Variants in TRIM2 observed in about 807,000 individuals in gnomAD.
TRIM2 encodes the protein tripartite motif-containing protein 2.
A neutral mutation model predicts 75.2 loss-of-function variants in TRIM2; 20 were observed. The observed-to-expected ratio is 0.27, with a 90% confidence interval of 0.19 to 0.39. TRIM2 has a LOEUF of 0.39. Ranked by LOEUF, TRIM2 falls within the 10% of genes least tolerant of loss-of-function variation. TRIM2 has a pLI of 1.00. For synonymous variants in TRIM2, 373 were observed against 388.3 expected (o/e 0.96, Z 0.46); for missense variants, 660 against 990.8 (o/e 0.67, Z 4.48).
intron 3 of TRIM2, among the ~76,000 whole-genome samples, chr4:153,287,145 T>C (rs898616659): frequency 2.6e-5 from 4 of 152,046 alleles, no homozygotes; most frequent in African/African-American, 9.7e-5. Context: ...GCTCAGCTAA[T>C]TTTTGTATTT....
chr4:153,187,897 G>A (rs1198430358), intron 1 of TRIM2, among the ~76,000 whole-genome samples: 2 of 152,178 alleles, frequency 1.3e-5, no homozygotes, highest in Non-Finnish European at 2.9e-5. Flanking sequence ...AGTCCTGAGT[G>A]CACAACGTCC....
rs572414061 is a variant in TRIM2 at position 153,244,789 on chromosome 4, C to T, written c.31-25546C>T. 1.8e-4 allele frequency among the ~76,000 whole-genome samples: 28 copies of T among 152,130 alleles called. No homozygotes were observed. In the East Asian group the frequency reaches 5.0e-3, roughly 27 times the overall value. ...TGCAGGAGAAAGTAAAACATAACAT[C>T]CTGTTTCTATCCACAGATACTTAAG... On this transcript the variant is annotated intron_variant, in intron 1 of 11. Transcript: ENST00000338700.
At chr4:153,166,030 A>T (rs1730263194) in intron 1 of TRIM2, among the ~76,000 whole-genome samples, 1 of 151,908 alleles carries the variant, frequency 6.6e-6, no homozygotes, top group African/African-American at 2.4e-5. Flanking sequence ...ACTTAGATTG[A>T]TCCTCTAATT....
At chr4:153,282,564 A>G (rs1579312448) in intron 3 of TRIM2, among the ~76,000 whole-genome samples, 1 of 152,302 alleles carries the variant, frequency 6.6e-6, no homozygotes, top group Non-Finnish European at 1.5e-5. Context: ...AAGATAAAAA[A>G]TAAAATTCAC....
chr4:153,325,875 A>T (rs1029289752), intron 10 of TRIM2, among the ~76,000 whole-genome samples: 1 of 152,252 alleles, frequency 6.6e-6, no homozygotes, highest in African/African-American at 2.4e-5. Context: ...CCTATTTACC[A>T]GTCCTGGCTG....
At chr4:153,221,960 GAGGGAGGA>G (rs148218169) in intron 1 of TRIM2, among the ~76,000 whole-genome samples, 40,631 of 85,296 alleles carry the variant, frequency 0.48, 6,836 homozygotes, top group African/African-American at 0.63. Flanking sequence ...AGGAAGGAAA[GAGGGAGGA>G]AGGGAGGAAG....
intron 1 of TRIM2, among the ~76,000 whole-genome samples, chr4:153,251,733 C>T (rs1217164264): frequency 6.6e-6 from 1 of 152,146 alleles, no homozygotes; most frequent in Non-Finnish European, 1.5e-5. Flanking sequence ...AATTTCAACA[C>T]TTTGGGAAGC....
chr4:153,222,062 A>AGGG (rs1447698154), intron 1 of TRIM2, among the ~76,000 whole-genome samples: 6 of 147,908 alleles, frequency 4.1e-5, no homozygotes, highest in South Asian at 2.2e-4. Flanking sequence ...GGGAGGAAGG[A>AGGG]AGGAAGGAAA....
chr4:153,160,901 G>A (rs111957567), intron 1 of TRIM2, among the ~76,000 whole-genome samples: 2,300 of 152,176 alleles, frequency 0.015, 40 homozygotes, highest in Non-Finnish European at 0.025. Context: ...GAGCCACCAT[G>A]CCTGGCCAGG....
Position 153,276,076 on chromosome 4 carries a change from A to G in TRIM2, c.399A>G (p.Thr133=). 1 of 1,614,242 alleles carries G rather than the reference A, an allele frequency of 6.2e-7. No homozygotes were observed. Among genetic ancestry groups the G allele is most frequent in the Non-Finnish European group, 8.5e-7 (1 of 1,180,030 alleles). The change falls in exon 3 of 12, where the codon ACA becomes ACG. Residue 133 remains threonine (T), a synonymous_variant. Coordinates refer to ENST00000338700, the MANE Select transcript of TRIM2 (RefSeq NM_015271.5). ...CTGAGGAGTCTTCCATCCTGGAGACAGTCACTGCTGTGGCTGCGGGAAAGC... is the reference window on the plus strand; with the variant it reads ...CTGAGGAGTCTTCCATCCTGGAGACGGTCACTGCTGTGGCTGCGGGAAAGC... ...SNAEESSILE[T]VTAVAAGKPL... is the part of the protein sequence containing the mutation.
intron 1 of TRIM2, among the ~76,000 whole-genome samples, chr4:153,254,218 A>G (rs1751525543): frequency 6.6e-6 from 1 of 152,216 alleles, no homozygotes; most frequent in Non-Finnish European, 1.5e-5. Context: ...TATAAAGTGC[A>G]TTGGATTGAA....
chr4:153,157,446 G>A (rs1265532438), intron 1 of TRIM2, among the ~76,000 whole-genome samples: 4 of 152,114 alleles, frequency 2.6e-5, no homozygotes, highest in African/African-American at 7.2e-5. Context: ...AATGGCCCAG[G>A]GAAAAGGAAA....
intron 1 of TRIM2, among the ~76,000 whole-genome samples, chr4:153,229,006 T>A (rs1311824619): frequency 2.0e-5 from 3 of 152,056 alleles, no homozygotes; most frequent in African/African-American, 7.2e-5. Context: ...TCTGGGAGCC[T>A]GGAAAGGGAA....
intron 3 of TRIM2, among the ~76,000 whole-genome samples, chr4:153,286,167 TGG>T (rs1261000265): frequency 6.6e-6 from 1 of 152,248 alleles, no homozygotes; most frequent in Non-Finnish European, 1.5e-5. Flanking sequence ...CTTGCATTCC[TGG>T]GATAAATCCC....
intron 6 of TRIM2, among the ~76,000 whole-genome samples, chr4:153,305,955 T>C (rs1028348977): frequency 1.3e-5 from 2 of 152,034 alleles, no homozygotes; most frequent in Non-Finnish European, 2.9e-5. Context: ...ACCAACATGG[T>C]GAAACCCCGT....
chr4:153,231,189 T>A (rs1001435010), intron 1 of TRIM2, among the ~76,000 whole-genome samples: 5 of 152,196 alleles, frequency 3.3e-5, no homozygotes, highest in African/African-American at 1.2e-4. Context: ...GGAAAGTGTC[T>A]GGAAAAGTGG....
At chr4:153,244,379 T>C (rs374604034) in intron 1 of TRIM2, among the ~76,000 whole-genome samples, 28 of 65,356 alleles carry the variant, frequency 4.3e-4, no homozygotes, top group East Asian at 3.3e-3. Flanking sequence ...CTTCTTCTTC[T>C]TCTTCTTCTT....
Position 153,315,789 on chromosome 4 carries a change from C to T in TRIM2, c.1615-43C>T, listed in dbSNP as rs778369514. ...TCTGCCTATGCCTTCCTCAGCAATG[C>T]CTGTACTAGTTCACATTCCAATGAA... On this transcript the variant is annotated intron_variant, in intron 7 of 11. Coordinates refer to ENST00000338700, the MANE Select transcript of TRIM2 (RefSeq NM_015271.5). 18 of 1,607,384 alleles carry T rather than the reference C, an allele frequency of 1.1e-5. No homozygotes were observed. In the African/African-American group the frequency reaches 2.3e-4, roughly 20 times the overall value.
In TRIM2 at chr4:153,272,358, C is replaced by G. The variant is rs554380911; in HGVS notation, c.215+1839C>G. On this transcript the variant is annotated intron_variant, in intron 2 of 11. Transcript: ENST00000338700. ...AGAGACGAGGTTTCACTGTGTTAGC[C>G]AGAATGGTCTTGATCTCCTGACCTC... is the stretch of plus-strand genomic sequence containing the variant. Among the ~76,000 whole-genome samples, 46 of 152,280 alleles carry G rather than the reference C, an allele frequency of 3.0e-4. 1 individual carries two copies. The highest frequency in any genetic ancestry group is 5.2e-4 in the Admixed American group (8 of 15,296).
Sources: allele counts gnomAD v4.1 joint callset (sites outside exome capture counted in the v4.1 genomes callset), GRCh38; gene constraint gnomAD v4.1.1; transcripts MANE v1.5; gene names NCBI Gene and HGNC (gene_info 2026-07-23, HGNC 2026-07-21).